Variants in ATAD2B observed in about 807,000 individuals in gnomAD.
ATAD2B encodes ATPase family AAA domain-containing protein 2B.
In ATAD2B, 40 loss-of-function variants were observed where a neutral mutation model predicts 167.6. That is an observed-to-expected ratio of 0.24 (90% CI 0.19 to 0.31). ATAD2B has a LOEUF of 0.31. Ranked by LOEUF, ATAD2B falls within the 10% of genes least tolerant of loss-of-function variation. The probability of loss-of-function intolerance (pLI) is 1.00; values close to 1 mark genes in which losing one functional copy is unlikely to be tolerated. For missense variants in ATAD2B, 1,242 were observed against 1,757.2 expected, an observed-to-expected ratio of 0.71 and a Z score of 5.24; for synonymous variants, 579 against 596.5, an observed-to-expected ratio of 0.97 and a Z score of 0.43.
chr2:23,809,710 G>C (rs991254636), intron 18 of ATAD2B, among the ~76,000 whole-genome samples: 2 of 151,964 alleles, frequency 1.3e-5, no homozygotes, highest in African/African-American at 4.8e-5. Context: ...TGGTCCCTTG[G>C]CTCAAAAAAT....
At chr2:23,687,802 C>G in the ATAD2B span, among the ~76,000 whole-genome samples, 1 of 152,120 alleles carries the variant, frequency 6.6e-6, no homozygotes, top group Non-Finnish European at 1.5e-5. Flanking sequence ...GCTGCAGGGC[C>G]GGGTATGAGG....
the ATAD2B span, chr2:23,707,476 C>A: frequency 6.6e-6 from 1 of 152,260 alleles, no homozygotes; most frequent in East Asian, 1.9e-4. Flanking sequence ...GTAGGTAGTG[C>A]CAGAGGGGGG....
intron 18 of ATAD2B, among the ~76,000 whole-genome samples, chr2:23,800,338 T>C (rs961181918): frequency 6.6e-6 from 1 of 152,166 alleles, no homozygotes; most frequent in African/African-American, 2.4e-5. Context: ...TAGGAAAACA[T>C]GCCTTTAAAA....
rs768208829 is a variant in ATAD2B, at chr2:23,757,916, T to C, written c.3580A>G (p.Asn1194Asp). 1.2e-6 allele frequency: 2 copies of C among 1,607,394 alleles called. No individual in the cohort carries two copies. Reference protein sequence around the residue: ...FEVSTDCHEENGEETGDLSMT... With the variant: ...FEVSTDCHEEDGEETGDLSMT... ...GATAAGTCTCCAGTCTCTTCTCCAT[T>C]TTCCTCATGGCAGTCAGTGCTTACC... is the stretch of plus-strand genomic sequence containing the variant. The change falls in exon 25 of 28, where the codon AAT becomes GAT. Residue 1194 changes from asparagine to aspartate, a missense_variant. By Grantham distance (23) the Asn-to-Asp change is conservative. This residue lies in a region of ATAD2B where 282 missense variants were observed against 346.8 expected (regional missense o/e 0.81). Transcript: ENST00000238789.
intron 18 of ATAD2B, among the ~76,000 whole-genome samples, chr2:23,800,865 G>T (rs1683386046): frequency 6.6e-6 from 1 of 151,938 alleles, no homozygotes; most frequent in Non-Finnish European, 1.5e-5. Context: ...AAAAAATCAG[G>T]CAAGTCTAAG....
chr2:23,819,889 A>T lies in ATAD2B; in HGVS notation c.2132-7T>A, dbSNP rs767189386. ...AAAATTAAAGTTTCTATATCTGTTT[A>T]AAAAAATCACAATGGTTATGGGGCT... On this transcript the variant is annotated splice_region_variant and splice_polypyrimidine_tract_variant and intron_variant, in intron 16 of 27. Transcript: ENST00000238789. The T allele has an allele frequency of 1.3e-6, 2 of 1,566,942 alleles. No homozygotes were observed. Among genetic ancestry groups the T allele is most frequent in the Non-Finnish European group, 1.7e-6 (2 of 1,145,036 alleles).
rs1180802942 is a variant in ATAD2B at position 23,797,891 on chromosome 2, T to A, written c.2640+247A>T. Among the ~76,000 whole-genome samples, 3 of 152,150 alleles carry A rather than the reference T, an allele frequency of 2.0e-5. No homozygotes were observed. The East Asian group carries it at 5.8e-4, about 29-fold the overall frequency. On this transcript the variant is annotated intron_variant, in intron 19 of 27. Transcript: ENST00000238789. ...TAGAGATGCTGAATCTGTATATATATAATTCAGGTTTTGTTCTAAGCATAA... is the reference window on the plus strand; with the variant it reads ...TAGAGATGCTGAATCTGTATATATAAAATTCAGGTTTTGTTCTAAGCATAA...
chr2:23,842,143 T>C (rs1485819574), intron 13 of ATAD2B, among the ~76,000 whole-genome samples: 1 of 152,250 alleles, frequency 6.6e-6, no homozygotes, highest in African/African-American at 2.4e-5. Context: ...TTTAAATCTA[T>C]AATCATATTT....
chr2:23,740,387 C>T, the ATAD2B span, among the ~76,000 whole-genome samples: 16 of 152,016 alleles, frequency 1.1e-4, no homozygotes, highest in East Asian at 7.7e-4. Context: ...GGATGCAAGG[C>T]TGGTTCAACA....
At position 23,857,522 on chromosome 2, in the gene ATAD2B, A is replaced by T; in HGVS notation, c.1480-19T>A. 2 of 1,125,534 alleles carry T rather than the reference A, an allele frequency of 1.8e-6. No individual in the cohort carries two copies. The highest frequency in any genetic ancestry group is 2.4e-6 in the Non-Finnish European group (2 of 821,756). The allele number at this position is 1,125,534 out of a possible 1,614,324, so 69.7% of individuals were successfully genotyped here. A position where few individuals can be genotyped will look rare whatever the true frequency, so the allele number is the denominator to read the frequency against. ...AATATGCCTAGTAAGAAGAAAACAAATAATATTTATTGTATTTGTTTTCAT... is the reference window on the plus strand; with the variant it reads ...AATATGCCTAGTAAGAAGAAAACAATTAATATTTATTGTATTTGTTTTCAT... On this transcript the variant is annotated intron_variant, in intron 12 of 27. Transcript: ENST00000238789.
chr2:23,744,582 C>T (rs1002647527), downstream of ATAD2B, among the ~76,000 whole-genome samples: 2 of 152,076 alleles, frequency 1.3e-5, no homozygotes, highest in Non-Finnish European at 2.9e-5. Flanking sequence ...TTGCAGTAAC[C>T]ACCATGGGGT....
intron 25 of ATAD2B, chr2:23,755,158 GCAGATA>G: frequency 6.5e-6 from 1 of 154,008 alleles, no homozygotes; most frequent in Non-Finnish European, 1.4e-5. Context: ...ACCTAGAAAA[GCAGATA>G]CTAACAAAAG....
chr2:23,838,322 C>G lies in ATAD2B; in HGVS notation c.1569-4244G>C, dbSNP rs80232540. ...ATCTTCCAATTACAGATTGTCATTTCAAGTGTTTGTTGGAATTTATCTGCA... is the reference window on the plus strand; with the variant it reads ...ATCTTCCAATTACAGATTGTCATTTGAAGTGTTTGTTGGAATTTATCTGCA... On this transcript the variant is annotated intron_variant, in intron 13 of 27. Transcript: ENST00000238789. Among the ~76,000 whole-genome samples, 1,150 of 152,208 alleles carry G rather than the reference C, an allele frequency of 7.6e-3. 5 individuals carry two copies. Among genetic ancestry groups the G allele is most frequent in the Non-Finnish European group, 0.012 (806 of 68,010 alleles).
the ATAD2B span, among the ~76,000 whole-genome samples, chr2:23,685,984 A>G: frequency 0.044 from 6,775 of 152,318 alleles, 187 homozygotes; most frequent in South Asian, 0.091. Context: ...AGAGGAGCAC[A>G]GGGCCCTCGG....
At chr2:23,706,553 C>T in the ATAD2B span, 1 of 1,537,046 alleles carries the variant, frequency 6.5e-7, no homozygotes, top group Admixed American at 2.0e-5. Context: ...CGCTGGGCAA[C>T]ATGGAGGCCT....
At chr2:23,807,247 A>C (rs1022492329) in intron 18 of ATAD2B, among the ~76,000 whole-genome samples, 4 of 152,166 alleles carry the variant, frequency 2.6e-5, no homozygotes, top group African/African-American at 7.2e-5. Context: ...GCTATTTACT[A>C]ATATAAAGAT....
At chr2:23,868,460 C>A (rs1695462141) in intron 9 of ATAD2B, among the ~76,000 whole-genome samples, 1 of 152,158 alleles carries the variant, frequency 6.6e-6, no homozygotes, top group African/African-American at 2.4e-5. Context: ...AACACTACAC[C>A]TGGCTGATTT....
intron 22 of ATAD2B, among the ~76,000 whole-genome samples, chr2:23,778,981 T>C (rs1679575511): frequency 6.6e-6 from 1 of 152,070 alleles, no homozygotes; most frequent in African/African-American, 2.4e-5. Flanking sequence ...CATATACAGT[T>C]GTACGGGTTG....
intron 1 of ATAD2B, among the ~76,000 whole-genome samples, chr2:23,917,913 C>T (rs1011373023): frequency 6.6e-6 from 1 of 151,962 alleles, no homozygotes; most frequent in Non-Finnish European, 1.5e-5. Context: ...ACAAAATTAG[C>T]CAGGCATGGT....
Sources: gnomAD v4.1 joint callset for allele counts (sites outside exome capture counted in the v4.1 genomes callset) on GRCh38, gnomAD v4.1.1 for gene constraint, gnomAD v4.1.1 regional missense constraint, MANE v1.5 for transcripts, NCBI Gene and HGNC (gene_info 2026-07-23, HGNC 2026-07-21) for gene names.